Variants in SHANK2 observed in about 807,000 individuals in gnomAD.
SHANK2 encodes SH3 and multiple ankyrin repeat domains 2.
A neutral mutation model predicts 133.7 loss-of-function variants in SHANK2; 43 were observed. The observed-to-expected ratio is 0.32, with a 90% confidence interval of 0.25 to 0.41. The LOEUF (loss-of-function observed/expected upper bound fraction) is 0.41. SHANK2 is among the 10% of genes least tolerant of loss of function. The pLI is 1.00. For missense variants in SHANK2, 1,994 were observed against 2,235.8 expected (o/e 0.89, Z 2.18); for synonymous variants, 1,017 against 952.8 (o/e 1.07, Z -1.24).
intron 14 of SHANK2, among the ~76,000 whole-genome samples, chr11:70,738,353 C>T (rs1342364816): frequency 2.0e-5 from 3 of 152,260 alleles, no homozygotes; most frequent in Non-Finnish European, 4.4e-5. Flanking sequence ...CCAACCCCAA[C>T]CATAAACACT....
intron 11 of SHANK2, chr11:70,862,865 G>C (rs991365794): frequency 4.3e-5 from 11 of 256,058 alleles, no homozygotes; most frequent in Non-Finnish European, 7.7e-5. Context: ...TAGTAAACTG[G>C]AGGTAAGAAT....
intron 2 of SHANK2, among the ~76,000 whole-genome samples, chr11:71,180,406 T>C (rs1475676891): frequency 6.6e-6 from 1 of 152,162 alleles, no homozygotes; most frequent in Non-Finnish European, 1.5e-5. Flanking sequence ...GCTTTGTTAA[T>C]TTATGGTCTG....
At chr11:70,643,482 T>G (rs2061215190) in intron 17 of SHANK2, among the ~76,000 whole-genome samples, 1 of 146,692 alleles carries the variant, frequency 6.8e-6, no homozygotes, top group Admixed American at 7.1e-5. Context: ...GAGAATGGCG[T>G]GAACCCAGGA....
chr11:70,842,132 T>C (rs1339163856), intron 11 of SHANK2, among the ~76,000 whole-genome samples: 2 of 152,226 alleles, frequency 1.3e-5, no homozygotes, highest in African/African-American at 4.8e-5. Context: ...AAATGCAATA[T>C]TGGCGATATC....
rs112029971 is a variant in SHANK2, at chr11:70,841,258, G to A, written c.1175-20576C>T. On this transcript the variant is annotated intron_variant, in intron 11 of 25. Coordinates refer to ENST00000601538, the MANE Select transcript of SHANK2 (RefSeq NM_012309.5). ...TGCACTCCAGCCTGGGTGGCGGAGC[G>A]AGACTCCGTCTTAAAAAAAATAGCA... Among the ~76,000 whole-genome samples, 540 of 152,242 alleles carry A rather than the reference G, an allele frequency of 3.5e-3. 1 individual carries two copies. Among genetic ancestry groups the A allele is most frequent in the African/African-American group, 0.013 (525 of 41,528 alleles).
At chr11:71,181,567 T>A in intron 2 of SHANK2, among the ~76,000 whole-genome samples, 1 of 151,896 alleles carries the variant, frequency 6.6e-6, no homozygotes, top group Non-Finnish European at 1.5e-5. Context: ...AACCCCAGTG[T>A]CAAAGAAAAC....
chr11:70,538,588 A>G (rs1361479949), intron 17 of SHANK2, among the ~76,000 whole-genome samples: 1 of 152,224 alleles, frequency 6.6e-6, no homozygotes, highest in Non-Finnish European at 1.5e-5. Flanking sequence ...AGGAAGGAGC[A>G]GGATAACGTG....
intron 15 of SHANK2, among the ~76,000 whole-genome samples, chr11:70,686,294 C>A (rs1208280415): frequency 2.8e-5 from 4 of 140,670 alleles, no homozygotes; most frequent in Non-Finnish European, 6.2e-5. Flanking sequence ...AGCCATCCAT[C>A]CTTCCTTCCA....
intron 13 of SHANK2, among the ~76,000 whole-genome samples, chr11:70,799,350 C>G (rs562577587): frequency 6.6e-6 from 1 of 151,780 alleles, no homozygotes; most frequent in South Asian, 2.1e-4. Context: ...TGCAGTGAGC[C>G]AAGATTGTGC....
At chr11:70,741,987 C>T (rs1343835947) in intron 14 of SHANK2, among the ~76,000 whole-genome samples, 2 of 152,164 alleles carry the variant, frequency 1.3e-5, no homozygotes, top group Non-Finnish European at 2.9e-5. Flanking sequence ...CACCTGGTTC[C>T]CCTGCTGCCC....
chr11:70,896,462 A>G (rs879956485), intron 11 of SHANK2, 39 bp downstream of exon 11: 1 of 697,428 alleles, frequency 1.4e-6, no homozygotes, highest in East Asian at 2.7e-5. Flanking sequence ...AGCATCTCCA[A>G]ACCAAATCCC....
chr11:71,151,732 G>A (rs1255101704), intron 2 of SHANK2, among the ~76,000 whole-genome samples: 10 of 152,206 alleles, frequency 6.6e-5, no homozygotes, highest in South Asian at 4.1e-4. Flanking sequence ...GAGCAGACAC[G>A]GCCCACACTG....
chr11:70,678,259 G>C (rs1255652704), intron 15 of SHANK2, among the ~76,000 whole-genome samples: 1 of 152,036 alleles, frequency 6.6e-6, no homozygotes, highest in Non-Finnish European at 1.5e-5. Flanking sequence ...CAATTCTTCT[G>C]CCTCGGCCTC....
chr11:71,135,644 T>C (rs1952424001), intron 3 of SHANK2, among the ~76,000 whole-genome samples: 1 of 152,068 alleles, frequency 6.6e-6, no homozygotes, highest in Non-Finnish European at 1.5e-5. Context: ...TCAGTAAAGA[T>C]GGGGTTTCAC....
chr11:70,812,437 C>G (rs137904774), intron 12 of SHANK2, among the ~76,000 whole-genome samples: 30 of 152,320 alleles, frequency 2.0e-4, no homozygotes, highest in African/African-American at 7.2e-4. Flanking sequence ...CTTTTGTCCC[C>G]ATTTTACAGG....
At chr11:71,213,039 G>A (rs1265730995) in intron 2 of SHANK2, among the ~76,000 whole-genome samples, 1 of 152,068 alleles carries the variant, frequency 6.6e-6, no homozygotes, top group Non-Finnish European at 1.5e-5. Flanking sequence ...CAAAGGAAGA[G>A]GAGCAGGAAC....
intron 21 of SHANK2, among the ~76,000 whole-genome samples, chr11:70,496,312 A>G (rs573795): frequency 0.36 from 54,353 of 152,020 alleles, 11,340 homozygotes; most frequent in East Asian, 0.66. Context: ...TCTGTTTTTT[A>G]TGTATTAACA....
At chr11:71,090,917 A>G (rs1286262814) in intron 8 of SHANK2, among the ~76,000 whole-genome samples, 1 of 152,100 alleles carries the variant, frequency 6.6e-6, no homozygotes, top group African/African-American at 2.4e-5. Flanking sequence ...AAGGCCTTCA[A>G]CTCATTGGAT....
chr11:70,589,167 A>G (rs2136260731), intron 17 of SHANK2, among the ~76,000 whole-genome samples: 1 of 152,306 alleles, frequency 6.6e-6, no homozygotes, highest in African/African-American at 2.4e-5. Flanking sequence ...TCATAGCTAG[A>G]GAGGAGAAAT....
Sources: gnomAD v4.1 joint callset for allele counts (sites outside exome capture counted in the v4.1 genomes callset) on GRCh38, gnomAD v4.1.1 for gene constraint, MANE v1.5 for transcripts, NCBI Gene and HGNC (gene_info 2026-07-23, HGNC 2026-07-21) for gene names.